Variants in TBC1D25 observed in about 807,000 individuals in gnomAD.
TBC1D25 encodes 5SN3 snoRNA.
A neutral mutation model predicts 38.8 loss-of-function variants in TBC1D25; 13 were observed. The ratio of observed to expected loss-of-function variants is 0.34; its 90% CI spans 0.22 to 0.53. The LOEUF is 0.53. TBC1D25 is among the 20% of genes least tolerant of loss of function. The pLI is 0.94. For missense variants in TBC1D25, 372 were observed against 600.0 expected, an observed-to-expected ratio of 0.62 and a Z score of 3.97; for synonymous variants, 225 against 255.6, an observed-to-expected ratio of 0.88 and a Z score of 1.14.
intron 3 of TBC1D25, among the ~76,000 whole-genome samples, chrX:48,549,288 G>A (rs1397260915): frequency 3.6e-5 from 4 of 111,989 alleles, no homozygotes; most frequent in African/African-American, 9.7e-5. Flanking sequence ...CACCCACCTC[G>A]GCCTCTCAAA....
At chrX:48,541,647 C>T in intron 2 of TBC1D25, 2 of 454,884 alleles carry the variant, frequency 4.4e-6, no homozygotes, top group Non-Finnish European at 7.7e-6. Context: ...TGGTCAACCT[C>T]AGTCTGCAAA....
chrX:48,559,460 C>T (rs782557522), intron 5 of TBC1D25, 114 bp downstream of exon 5: 7 of 1,082,882 alleles, frequency 6.5e-6, no homozygotes, highest in South Asian at 4.4e-5. Flanking sequence ...TTACAGGGCA[C>T]GAAGTTCTCT....
Position 48,560,372 on chromosome X carries a change from G to A in TBC1D25, c.1464G>A (p.Leu488=). The change falls in exon 6 of 6, where the codon CTG becomes CTA. Residue 488 remains leucine (L), a synonymous_variant. Coordinates refer to ENST00000376771, the MANE Select transcript of TBC1D25 (RefSeq NM_002536.4). The stretch of plus-strand genomic sequence containing the variant: ...CCTTTGAAGATGCTGTTGACCACCT[G>A]GCCACAGCCAGTCAGGGGCCTGGTG... ...GSTFEDAVDH[L]ATASQGPGGG... 1.7e-6 allele frequency: 2 copies of A among 1,211,591 alleles called. No homozygotes were observed. The highest frequency in any genetic ancestry group is 2.2e-6 in the Non-Finnish European group (2 of 895,480).
At chrX:48,550,747 C>A (rs1556983039) in intron 3 of TBC1D25, among the ~76,000 whole-genome samples, 1 of 110,233 alleles carries the variant, frequency 9.1e-6, no homozygotes, top group East Asian at 2.9e-4. Context: ...GCAAGCTCCA[C>A]CTCCTGGGTT....
chrX:48,560,292 G>A lies in TBC1D25; in HGVS notation c.1384G>A (p.Gly462Arg). The change falls in exon 6 of 6, where the codon GGG (glycine) becomes AGG (arginine). Residue 462 changes from glycine to arginine, a missense_variant. Physicochemically the swap from Gly to Arg is moderately radical, Grantham distance 125 (BLOSUM62 -2). Transcript: ENST00000376771. ...AGACGCTGGTTTTGGTGGCCACAGGGGGTGGCCCGTGCGACAGAGGCACAT... is the reference window on the plus strand; with the variant it reads ...AGACGCTGGTTTTGGTGGCCACAGGAGGTGGCCCGTGCGACAGAGGCACAT... Reference protein sequence around the residue: ...VADAGFGGHRGWPVRQRHMLR... With the variant: ...VADAGFGGHRRWPVRQRHMLR... 1 of 1,211,650 alleles carries A rather than the reference G, an allele frequency of 8.3e-7. No homozygotes were observed. The highest frequency in any genetic ancestry group is 1.1e-6 in the Non-Finnish European group (1 of 895,329).
At chrX:48,548,963 C>G (rs1316124691) in intron 3 of TBC1D25, among the ~76,000 whole-genome samples, 1 of 112,533 alleles carries the variant, frequency 8.9e-6, no homozygotes, top group African/African-American at 3.2e-5. Context: ...CCCAGTCCCT[C>G]TTTCTGGGAA....
intron 5 of TBC1D25, 133 bp downstream of exon 5, chrX:48,559,479 G>A: frequency 3.7e-6 from 4 of 1,078,462 alleles, no homozygotes; most frequent in Non-Finnish European, 4.9e-6. Flanking sequence ...CTTTAAGGAG[G>A]GGCGAGCAGT....
intron 3 of TBC1D25, among the ~76,000 whole-genome samples, chrX:48,558,164 A>G (rs1406445747): frequency 1.8e-5 from 2 of 111,188 alleles, no homozygotes; most frequent in African/African-American, 3.3e-5. Context: ...TTTTGCACAA[A>G]TATTTTATTT....
chrX:48,540,567 G>A (rs1427323754), intron 1 of TBC1D25, among the ~76,000 whole-genome samples: 2 of 111,781 alleles, frequency 1.8e-5, no homozygotes, highest in African/African-American at 6.5e-5. Context: ...GCATGTTCCC[G>A]TAGGTTCCTG....
At chrX:48,551,991 T>TATTA (rs1486513911) in intron 3 of TBC1D25, among the ~76,000 whole-genome samples, 3 of 111,068 alleles carry the variant, frequency 2.7e-5, no homozygotes, top group Non-Finnish European at 5.7e-5. Flanking sequence ...TTGTGTTAAA[T>TATTA]GCTTTTGGCC....
At chrX:48,550,511 C>G (rs1192181851) in intron 3 of TBC1D25, among the ~76,000 whole-genome samples, 3 of 105,716 alleles carry the variant, frequency 2.8e-5, no homozygotes, top group African/African-American at 1.0e-4. Flanking sequence ...GAGTCTCGCT[C>G]TGTCGCCCAG....
intron 3 of TBC1D25, among the ~76,000 whole-genome samples, chrX:48,550,593 C>T (rs146881777): frequency 0.042 from 4,609 of 108,866 alleles, 284 homozygotes; most frequent in African/African-American, 0.15. Flanking sequence ...TCTCCTGCCT[C>T]AGCCTCCCTA....
At chrX:48,544,437 C>T (rs1225731136) in intron 2 of TBC1D25, among the ~76,000 whole-genome samples, 1 of 109,157 alleles carries the variant, frequency 9.2e-6, no homozygotes, top group African/African-American at 3.4e-5. Context: ...CCTGCCTCAG[C>T]CTCCTGAGTA....
chrX:48,543,827 C>T (rs1450449884), intron 2 of TBC1D25, among the ~76,000 whole-genome samples: 2 of 103,502 alleles, frequency 1.9e-5, no homozygotes, highest in East Asian at 3.1e-4. Flanking sequence ...GAGCTTGCAG[C>T]GAGCCGAGAT....
chrX:48,540,362 G>C (rs782458083), intron 1 of TBC1D25, among the ~76,000 whole-genome samples: 3 of 111,770 alleles, frequency 2.7e-5, no homozygotes, highest in Non-Finnish European at 5.6e-5. Flanking sequence ...GAGATGCTTC[G>C]GACACTAAAA....
At position 48,560,554 on chromosome X, in the gene TBC1D25, C is replaced by G; in HGVS notation, c.1646C>G (p.Pro549Arg). The change falls in exon 6 of 6, where the codon CCA becomes CGA. Residue 549 changes from proline (P) to arginine (R), a missense_variant. Physicochemically the swap from Pro to Arg is moderately radical, Grantham distance 103. This residue lies in a region of TBC1D25 where 312 missense variants were observed against 549.3 expected (regional missense o/e 0.57). Coordinates refer to ENST00000376771, the MANE Select transcript of TBC1D25 (RefSeq NM_002536.4). Reference sequence around the variant, plus strand: ...GAGCCTTTATTGAACTCCCCAGACCCACTGCTCTCCTCCTTTTCCCACCCT... The same window carrying G: ...GAGCCTTTATTGAACTCCCCAGACCGACTGCTCTCCTCCTTTTCCCACCCT... The part of the protein sequence containing the change: ...LSEPLLNSPD[P>R]LLSSFSHPDS... The G allele has an allele frequency of 8.3e-7, 1 of 1,208,812 alleles. No homozygotes were observed. The highest frequency in any genetic ancestry group is 1.1e-6 in the Non-Finnish European group (1 of 893,875).
At chrX:48,550,991 A>G (rs2061927556) in intron 3 of TBC1D25, among the ~76,000 whole-genome samples, 1 of 111,661 alleles carries the variant, frequency 9.0e-6, no homozygotes. Flanking sequence ...GAATTCTTCT[A>G]TAGAAACCTT....
Position 48,541,316 on chromosome X carries a change from A to G in TBC1D25, c.124-17A>G, listed in dbSNP as rs368345035. ...GATGGGGCCCCTGGTGGCCTACCCC[A>G]TGTCTTCTCTCCCCAGAAATGTGAG... On this transcript the variant is annotated splice_polypyrimidine_tract_variant and intron_variant, in intron 1 of 5. Transcript: ENST00000376771. The G allele has an allele frequency of 4.1e-6, 5 of 1,206,171 alleles. No homozygotes were observed. The African/African-American group carries it at 7.0e-5, about 17-fold the overall frequency.
At chrX:48,557,142 C>T (rs782590268) in intron 3 of TBC1D25, among the ~76,000 whole-genome samples, 1 of 109,960 alleles carries the variant, frequency 9.1e-6, no homozygotes, top group East Asian at 2.8e-4. Context: ...GCAAGAGGAT[C>T]GTTTGAGCCC....
Sources: gnomAD v4.1 joint callset for allele counts (sites outside exome capture counted in the v4.1 genomes callset) on GRCh38, gnomAD v4.1.1 for gene constraint, gnomAD v4.1.1 regional missense constraint, MANE v1.5 for transcripts, NCBI Gene and HGNC (gene_info 2026-07-23, HGNC 2026-07-21) for gene names.